SPARCL1: variants seen among roughly 807,000 people sequenced by gnomAD.
SPARCL1 encodes SPARC like 1, also known as SPARC-like protein 1.
Under a neutral mutation model 67.1 loss-of-function variants are expected in SPARCL1, and 52 were observed. That is an observed-to-expected ratio of 0.78 (90% CI 0.62 to 0.98). The LOEUF is 0.98. SPARCL1 is among the 50% of genes least tolerant of loss of function. The pLI is 0.00. For synonymous variants in SPARCL1, 226 were observed against 267.8 expected (o/e 0.84, Z 1.52); for missense variants, 717 against 782.4 (o/e 0.92, Z 1.00).
At position 87,500,259 on chromosome 4, in the gene SPARCL1, G is replaced by C. The variant is rs145883724; in HGVS notation, c.-11-674C>G. ...CTGAGTTGAGACTGTCCTCTGTAAG[G>C]GATGCTGGCGTTTGTGCTTGATCTG... On this transcript the variant is annotated intron_variant, in intron 1 of 10. Transcript: ENST00000282470. Among the ~76,000 whole-genome samples, 41 of 152,242 alleles carry C rather than the reference G, an allele frequency of 2.7e-4. 1 individual carries two copies. In the East Asian group the frequency reaches 7.9e-3, roughly 29 times the overall value.
In SPARCL1 at chr4:87,482,516, G is replaced by T. The variant is rs955889606; in HGVS notation, c.1576C>A (p.Arg526=). ...TDFEVIQFPL[R]MRDWLKNILM... is the part of the protein sequence containing the mutation. ...ATATTCTTGAGCCAGTCTCTCATCCGTAGAGGAAACTGAATCACTTCAAAG... is the reference window on the plus strand; with the variant it reads ...ATATTCTTGAGCCAGTCTCTCATCCTTAGAGGAAACTGAATCACTTCAAAG... The change falls in exon 8 of 11, where the codon CGG becomes AGG. Residue 526 remains arginine (R), a synonymous_variant. Coordinates refer to ENST00000282470, the MANE Select transcript of SPARCL1 (RefSeq NM_004684.6). The T allele has an allele frequency of 2.5e-6, 4 of 1,613,932 alleles. No individual in the cohort carries two copies. The highest frequency in any genetic ancestry group is 2.2e-5 in the East Asian group (1 of 44,876).
chr4:87,482,531 T>A lies in SPARCL1; in HGVS notation c.1561A>T (p.Ile521Phe). The change falls in exon 8 of 11, where the codon ATT (isoleucine) becomes TTT (phenylalanine). Residue 521 changes from isoleucine to phenylalanine, a missense_variant. Coordinates refer to ENST00000282470, the MANE Select transcript of SPARCL1 (RefSeq NM_004684.6). ...TCTCTCATCCGTAGAGGAAACTGAA[T>A]CACTTCAAAGTCCGTACAAGTAGGA... ...SIPTCTDFEV[I>F]QFPLRMRDWL... The A allele has an allele frequency of 1.2e-6, 2 of 1,614,042 alleles. No homozygotes were observed. Among genetic ancestry groups the A allele is most frequent in the Non-Finnish European group, 1.7e-6 (2 of 1,179,934 alleles).
chr4:87,490,143 T>C, intron 7 of SPARCL1, 130 bp downstream of exon 7: 10 of 998,262 alleles, frequency 1.0e-5, no homozygotes, highest in Non-Finnish European at 1.4e-5. Flanking sequence ...TTTAAGTTTC[T>C]CCAGTTGATA....
At chr4:87,499,631 C>T (rs1305671518) in intron 1 of SPARCL1, 46 bp from the exon 2 acceptor site, 53 of 1,397,636 alleles carry the variant, frequency 3.8e-5, no homozygotes, top group Non-Finnish European at 5.1e-5. Flanking sequence ...AAAGTTTCCT[C>T]ATGAAAAACT....
chr4:87,487,405 A>G (rs569589439), intron 7 of SPARCL1, among the ~76,000 whole-genome samples: 1 of 152,202 alleles, frequency 6.6e-6, no homozygotes, highest in Non-Finnish European at 1.5e-5. Context: ...TTCTTTAAGC[A>G]TGTTGAATAT....
intron 8 of SPARCL1, among the ~76,000 whole-genome samples, chr4:87,481,401 T>G (rs1723817367): frequency 6.6e-6 from 1 of 152,198 alleles, no homozygotes; most frequent in South Asian, 2.1e-4. Context: ...CCACTCCAGC[T>G]GCCACCCCAT....
At chr4:87,504,679 A>G (rs1385514577) in intron 1 of SPARCL1, 1 of 152,124 alleles carries the variant, frequency 6.6e-6, no homozygotes, top group Non-Finnish European at 1.5e-5. Context: ...CTCTTACACA[A>G]AGGTGTAAGG....
intron 7 of SPARCL1, among the ~76,000 whole-genome samples, chr4:87,488,568 G>C (rs765136361): frequency 6.6e-6 from 1 of 152,198 alleles, no homozygotes; most frequent in Non-Finnish European, 1.5e-5. Flanking sequence ...GGAGGCATGG[G>C]GGTCAGGGAC....
intron 7 of SPARCL1, among the ~76,000 whole-genome samples, chr4:87,484,786 T>C (rs1560814087): frequency 6.6e-6 from 1 of 152,200 alleles, no homozygotes; most frequent in Non-Finnish European, 1.5e-5. Context: ...TTCACATCCA[T>C]TGTAAGTTGT....
chr4:87,480,565 T>C, intron 8 of SPARCL1, 45 bp from the exon 9 acceptor site: 1 of 1,553,388 alleles, frequency 6.4e-7, no homozygotes, highest in Non-Finnish European at 8.7e-7. Context: ...CAGACAAATG[T>C]AATGGACTTG....
intron 1 of SPARCL1, among the ~76,000 whole-genome samples, chr4:87,505,724 G>T (rs1279271504): frequency 4.3e-5 from 6 of 141,108 alleles, no homozygotes; most frequent in South Asian, 2.2e-4. Context: ...TCAGCTAATT[G>T]TTTTTTTTTT....
intron 1 of SPARCL1, among the ~76,000 whole-genome samples, chr4:87,503,683 C>CTTTT (rs60057481): frequency 3.4e-4 from 47 of 137,988 alleles, no homozygotes; most frequent in East Asian, 2.7e-3. Flanking sequence ...TTTTTTTTTC[C>CTTTT]TTTTTTTTTT....
intron 3 of SPARCL1, 70 bp downstream of exon 3, chr4:87,494,911 T>C: frequency 7.3e-7 from 1 of 1,366,746 alleles, no homozygotes; most frequent in Non-Finnish European, 1.0e-6. Context: ...TAATCTCTTT[T>C]ACCATGCTTT....
chr4:87,494,699 T>A, intron 3 of SPARCL1, 101 bp from the exon 4 acceptor site: 1 of 985,934 alleles, frequency 1.0e-6, no homozygotes, highest in Non-Finnish European at 1.5e-6. Flanking sequence ...CTTCACACAC[T>A]ATCATGTAAA....
chr4:87,508,570 C>T (rs1725206606), intron 1 of SPARCL1, among the ~76,000 whole-genome samples: 1 of 151,816 alleles, frequency 6.6e-6, no homozygotes, highest in Non-Finnish European at 1.5e-5. Flanking sequence ...AAATGGGGGT[C>T]TTATGACCTA....
rs544825291 is a variant in SPARCL1, at chr4:87,494,925, A to G, written c.201+56T>C. ...ATAATCTCTTTTACCATGCTTTGAA[A>G]CTAAGACCTTTGGAGAATTAAAAAA... On this transcript the variant is annotated intron_variant, in intron 3 of 10. Coordinates refer to ENST00000282470, the MANE Select transcript of SPARCL1 (RefSeq NM_004684.6). The G allele has an allele frequency of 1.4e-5, 21 of 1,461,982 alleles. No individual in the cohort carries two copies. In the African/African-American group the frequency reaches 3.0e-4, roughly 21 times the overall value. 90.6% of individuals were successfully genotyped at this position (1,461,982 alleles called of 1,614,324 possible).
chr4:87,494,310 G>T lies in SPARCL1; in HGVS notation c.490C>A (p.Gln164Lys). Reference sequence around the variant, plus strand: ...TGTGAATAATTTCTAGGTTGTTCTTGGTTTTCCTCTCTCTTTGTGATACTT... The same window carrying T: ...TGTGAATAATTTCTAGGTTGTTCTTTGTTTTCCTCTCTCTTTGTGATACTT... ...QESITKREENQEQPRNYSHHQ... is the reference protein window; with the variant it reads ...QESITKREENKEQPRNYSHHQ... The change falls in exon 4 of 11, where the codon CAA becomes AAA. Residue 164 changes from glutamine to lysine, a missense_variant. Gln to Lys is a moderately conservative substitution (Grantham distance 53). Transcript: ENST00000282470. The T allele has an allele frequency of 6.2e-7, 1 of 1,614,090 alleles. No homozygotes were observed. The highest frequency in any genetic ancestry group is 1.1e-5 in the South Asian group (1 of 91,082).
rs751826092 is a variant in SPARCL1, at chr4:87,493,844, G to C, written c.956C>G (p.Ala319Gly). 2 of 1,614,004 alleles carry C rather than the reference G, an allele frequency of 1.2e-6. No homozygotes were observed. The highest frequency in any genetic ancestry group is 2.7e-5 in the African/African-American group (2 of 74,884). ...ATCATCAGTAGGTTCCATGAGCAGA[G>C]CCTCAGAAACAGTCTTTTCTTCTGT... Reference protein sequence around the residue: ...KETEEKTVSEALLMEPTDDGN... With the variant: ...KETEEKTVSEGLLMEPTDDGN... Residue 319 changes from alanine to glycine, a missense_variant, in exon 4 of 11, where the codon GCT (alanine) becomes GGT (glycine). Transcript: ENST00000282470.
intron 1 of SPARCL1, among the ~76,000 whole-genome samples, chr4:87,525,210 T>C (rs1374694891): frequency 1.8e-4 from 27 of 152,056 alleles, no homozygotes; most frequent in African/African-American, 2.4e-5. Flanking sequence ...GTTATCCACA[T>C]TTCACAAGTG....
Sources: allele counts gnomAD v4.1 joint callset (sites outside exome capture counted in the v4.1 genomes callset), GRCh38; gene constraint gnomAD v4.1.1; transcripts MANE v1.5; gene names NCBI Gene and HGNC (gene_info 2026-07-23, HGNC 2026-07-21).